Variants in LHFPL3 observed in about 807,000 individuals in gnomAD.
The protein encoded by LHFPL3 is LHFPL tetraspan subfamily member 3 protein.
Under a neutral mutation model 19.3 loss-of-function variants are expected in LHFPL3, and 5 were observed. That is an observed-to-expected ratio of 0.26 (90% CI 0.14 to 0.54). The LOEUF (loss-of-function observed/expected upper bound fraction) is 0.54, where lower values mean the gene tolerates loss of function less well. LHFPL3 is among the 20% of genes least tolerant of loss of function. LHFPL3 has a pLI of 0.94. For synonymous variants in LHFPL3, 133 were observed against 126.2 expected (o/e 1.05, Z -0.36); for missense variants, 249 against 307.4 (o/e 0.81, Z 1.42).
At chr7:104,805,627 A>G (rs142056546) in intron 2 of LHFPL3, among the ~76,000 whole-genome samples, 62 of 152,318 alleles carry the variant, frequency 4.1e-4, no homozygotes, top group African/African-American at 1.4e-3. Context: ...AGTTGCACTA[A>G]AGGAGGCTTC....
chr7:104,458,605 T>C (rs1792595028), intron 1 of LHFPL3, among the ~76,000 whole-genome samples: 1 of 152,138 alleles, frequency 6.6e-6, no homozygotes, highest in South Asian at 2.1e-4. Flanking sequence ...GCGGGCTCTT[T>C]TTTGGTTCCA....
chr7:104,738,526 T>A (rs1793872034), intron 2 of LHFPL3: 1 of 152,166 alleles, frequency 6.6e-6, no homozygotes, highest in African/African-American at 2.4e-5. Flanking sequence ...CAAAGTCATA[T>A]TGAGAACCTT....
intron 1 of LHFPL3, among the ~76,000 whole-genome samples, chr7:104,660,604 G>C (rs1311134314): frequency 8.5e-5 from 13 of 152,162 alleles, no homozygotes. Context: ...AGCTTGATGT[G>C]AGCTTTCTAT....
At chr7:104,440,973 A>G (rs148709208) in intron 1 of LHFPL3, among the ~76,000 whole-genome samples, 419 of 152,312 alleles carry the variant, frequency 2.8e-3, no homozygotes, top group African/African-American at 9.1e-3. Flanking sequence ...AATCAAGGTA[A>G]TAAATTTATT....
At chr7:104,622,587 C>T (rs970436403) in intron 1 of LHFPL3, among the ~76,000 whole-genome samples, 5 of 152,150 alleles carry the variant, frequency 3.3e-5, no homozygotes, top group South Asian at 2.1e-4. Flanking sequence ...TCCTCATACC[C>T]ATTAGCAATC....
chr7:104,865,968 C>T (rs1791712775), intron 2 of LHFPL3, among the ~76,000 whole-genome samples: 1 of 152,130 alleles, frequency 6.6e-6, no homozygotes, highest in Non-Finnish European at 1.5e-5. Flanking sequence ...TCATATCCAG[C>T]CAAACCAAGC....
intron 1 of LHFPL3, among the ~76,000 whole-genome samples, chr7:104,480,727 T>A (rs1449754622): frequency 2.0e-5 from 3 of 152,200 alleles, no homozygotes; most frequent in Admixed American, 2.0e-4. Flanking sequence ...GCTGAAATTA[T>A]GGCCAGAAGA....
intron 1 of LHFPL3, among the ~76,000 whole-genome samples, chr7:104,489,822 A>C (rs1793306619): frequency 6.6e-6 from 1 of 152,150 alleles, no homozygotes; most frequent in Non-Finnish European, 1.5e-5. Flanking sequence ...ATTTGGAGAC[A>C]AGGAAGTTTT....
At chr7:104,380,061 G>T (rs913097014) in intron 1 of LHFPL3, among the ~76,000 whole-genome samples, 1 of 151,930 alleles carries the variant, frequency 6.6e-6, no homozygotes, top group African/African-American at 2.4e-5. Context: ...TACCATACTG[G>T]TTAACTAAAA....
At chr7:104,892,164 G>A (rs531924875) in intron 2 of LHFPL3, among the ~76,000 whole-genome samples, 2 of 152,322 alleles carry the variant, frequency 1.3e-5, no homozygotes, top group East Asian at 3.9e-4. Context: ...TAAAAGGAAT[G>A]TTTAGAATAG....
chr7:104,895,863 T>C (rs1190376891), intron 2 of LHFPL3: 1 of 152,256 alleles, frequency 6.6e-6, no homozygotes, highest in Non-Finnish European at 1.5e-5. Flanking sequence ...CTGCTAGGGC[T>C]GCCATAAAAA....
chr7:104,499,423 GA>G (rs1419335598), intron 1 of LHFPL3, among the ~76,000 whole-genome samples: 2 of 152,200 alleles, frequency 1.3e-5, no homozygotes, highest in East Asian at 3.8e-4. Context: ...CTTAAAGGAA[GA>G]AACTGTTAAG....
intron 1 of LHFPL3, among the ~76,000 whole-genome samples, chr7:104,449,970 C>A (rs1439788711): frequency 6.6e-6 from 1 of 152,194 alleles, no homozygotes; most frequent in African/African-American, 2.4e-5. Flanking sequence ...CTTTCCCCAA[C>A]TCATACCACT....
intron 1 of LHFPL3, among the ~76,000 whole-genome samples, chr7:104,709,331 AAACACGTG>A (rs1398854803): frequency 1.5e-5 from 2 of 133,176 alleles, no homozygotes; most frequent in Non-Finnish European, 3.3e-5. Flanking sequence ...GTCAGCAGAT[AAACACGTG>A]AACAAAGGTC....
chr7:104,599,042 C>A (rs1234297925), intron 1 of LHFPL3, among the ~76,000 whole-genome samples: 1 of 152,176 alleles, frequency 6.6e-6, no homozygotes, highest in Non-Finnish European at 1.5e-5. Flanking sequence ...AAACTCCCCT[C>A]ATATGAGTGC....
intron 1 of LHFPL3, among the ~76,000 whole-genome samples, chr7:104,369,657 A>G (rs1385851982): frequency 6.6e-6 from 1 of 152,242 alleles, no homozygotes; most frequent in Non-Finnish European, 1.5e-5. Flanking sequence ...GCAATGTCAC[A>G]GAGTTCGTTT....
chr7:104,396,907 T>C (rs986196505), intron 1 of LHFPL3, among the ~76,000 whole-genome samples: 1 of 152,060 alleles, frequency 6.6e-6, no homozygotes, highest in Non-Finnish European at 1.5e-5. Context: ...GAGGCTGAGG[T>C]TGCAGTGAGC....
intron 2 of LHFPL3, among the ~76,000 whole-genome samples, chr7:104,853,896 G>A (rs1021879602): frequency 6.6e-6 from 1 of 152,118 alleles, no homozygotes; most frequent in Non-Finnish European, 1.5e-5. Flanking sequence ...ATTTCTGACT[G>A]TAGGTAATTT....
chr7:104,555,049 C>T (rs1794738147), intron 1 of LHFPL3, among the ~76,000 whole-genome samples: 1 of 152,190 alleles, frequency 6.6e-6, no homozygotes, highest in Admixed American at 6.5e-5. Context: ...ATGGTGCCTT[C>T]TCACACTGAG....
Sources: gnomAD v4.1 joint callset for allele counts (sites outside exome capture counted in the v4.1 genomes callset) on GRCh38, gnomAD v4.1.1 for gene constraint, MANE v1.5 for transcripts, NCBI Gene and HGNC (gene_info 2026-07-23, HGNC 2026-07-21) for gene names.